TMEM220: variants seen among roughly 807,000 people sequenced by gnomAD.
TMEM220 encodes transmembrane protein 220.
A neutral mutation model predicts 21.7 loss-of-function variants in TMEM220; 21 were observed. That is an observed-to-expected ratio of 0.97 (90% confidence interval 0.69 to 1.39). The LOEUF (loss-of-function observed/expected upper bound fraction) is 1.39. Ranked by LOEUF, TMEM220 falls within the 40% of genes most tolerant of loss-of-function variation. The pLI is 0.00. For synonymous variants in TMEM220, 80 were observed against 73.6 expected, an observed-to-expected ratio of 1.09 and a Z score of -0.45; for missense variants, 191 against 201.9, an observed-to-expected ratio of 0.95 and a Z score of 0.33.
chr17:10,717,287 A>G (rs1005609269), intron 5 of TMEM220, among the ~76,000 whole-genome samples: 8 of 152,218 alleles, frequency 5.3e-5, no homozygotes, highest in African/African-American at 1.9e-4. Flanking sequence ...AAAGTTTTCA[A>G]CTGTTCACCA....
intron 4 of TMEM220, 135 bp downstream of exon 4, chr17:10,724,876 A>G (rs967266572): frequency 1.6e-6 from 2 of 1,230,158 alleles, no homozygotes; most frequent in South Asian, 1.4e-5. Flanking sequence ...TATAAAGAAG[A>G]TAATACCTTG....
intron 3 of TMEM220, 137 bp from the exon 4 acceptor site, chr17:10,725,271 GT>G: frequency 1.6e-6 from 2 of 1,243,000 alleles, no homozygotes; most frequent in Non-Finnish European, 2.2e-6. Context: ...GCCCCTTTTT[GT>G]TTTAGGACAA....
At chr17:10,720,026 A>G (rs1754340122) in intron 5 of TMEM220, among the ~76,000 whole-genome samples, 1 of 152,214 alleles carries the variant, frequency 6.6e-6, no homozygotes, top group South Asian at 2.1e-4. Flanking sequence ...TTTCTCAACG[A>G]TCCGATTAGT....
At chr17:10,719,330 G>A (rs1270333455) in intron 5 of TMEM220, among the ~76,000 whole-genome samples, 1 of 152,140 alleles carries the variant, frequency 6.6e-6, no homozygotes, top group Non-Finnish European at 1.5e-5. Flanking sequence ...AGGCTGGAGT[G>A]CAGTGGCGCG....
intron 5 of TMEM220, among the ~76,000 whole-genome samples, chr17:10,717,848 T>C (rs146278305): frequency 3.4e-3 from 518 of 152,186 alleles, no homozygotes; most frequent in African/African-American, 0.012. Context: ...AGACGGAGTT[T>C]CTTTCATTCT....
Position 10,722,522 on chromosome 17 carries a change from T to C in TMEM220, c.347+748A>G, listed in dbSNP as rs150107516. ...ACCCTAATGATTACAACATTAATCC[T>C]TGACTTATCAAAGTTTAATATAAAT... is the stretch of plus-strand genomic sequence containing the variant. On this transcript the variant is annotated intron_variant, in intron 5 of 5. Coordinates refer to ENST00000341871, the MANE Select transcript of TMEM220 (RefSeq NM_001004313.3). 3.3e-3 allele frequency among the ~76,000 whole-genome samples: 508 copies of C among 152,336 alleles called. 3 individuals are homozygous for C. The highest frequency in any genetic ancestry group is 5.4e-3 in the Non-Finnish European group (365 of 68,028).
chr17:10,723,127 C>T (rs1228347863), intron 5 of TMEM220, 143 bp downstream of exon 5: 23 of 672,630 alleles, frequency 3.4e-5, no homozygotes, highest in Middle Eastern at 3.7e-4. Flanking sequence ...ACTACAGGCG[C>T]GTGCCACCAC....
At chr17:10,727,372 G>C (rs943744054) in intron 2 of TMEM220, among the ~76,000 whole-genome samples, 3 of 152,126 alleles carry the variant, frequency 2.0e-5, no homozygotes, top group Non-Finnish European at 4.4e-5. Context: ...AGATGATAAA[G>C]ATGACTGAGA....
intron 3 of TMEM220, among the ~76,000 whole-genome samples, chr17:10,725,846 A>G (rs1389768354): frequency 6.6e-6 from 1 of 152,220 alleles, no homozygotes; most frequent in South Asian, 2.1e-4. Context: ...AGCTGCCTAT[A>G]CAAGGAGCCC....
Position 10,726,218 on chromosome 17 carries a change from T to A in TMEM220, c.149A>T (p.Asn50Ile), listed in dbSNP as rs1194793733. The change falls in exon 3 of 6, where the codon AAC becomes ATC. Residue 50 changes from asparagine to isoleucine, a missense_variant. Physicochemically the swap from Asn to Ile is moderately radical, Grantham distance 149. Transcript: ENST00000341871. The part of the protein sequence containing the change: ...PAVLTLLVGL[N>I]PEVTGNVIWK... ...AAGGCTTATACCTGTGACTTCAGGG[T>A]TAAGTCCAACAAGCAGGGTCAGTAC... The A allele has an allele frequency of 1.9e-6, 3 of 1,613,978 alleles. No individual in the cohort carries two copies. In the Admixed American group the frequency reaches 5.0e-5, roughly 27 times the overall value.
Position 10,729,644 on chromosome 17 carries a change from C to T in TMEM220, c.72+136G>A, listed in dbSNP as rs1010084263. On this transcript the variant is annotated intron_variant, in intron 1 of 5. Transcript: ENST00000341871. ...GGGGAGAAAGTGGGGGCTCCCCAAG[C>T]AGAAAGCCCAAGTCCCGTCCTCCCC... 1.4e-5 allele frequency: 10 copies of T among 696,434 alleles called. No individual in the cohort carries two copies. In the African/African-American group the frequency reaches 1.5e-4, roughly 10 times the overall value. 43.1% of individuals were successfully genotyped at this position (696,434 alleles called of 1,614,324 possible). A position where few individuals can be genotyped will look rare whatever the true frequency, so the allele number is the denominator to read the frequency against.
chr17:10,719,727 A>G (rs746024949), intron 5 of TMEM220, among the ~76,000 whole-genome samples: 148 of 152,372 alleles, frequency 9.7e-4, no homozygotes, highest in Non-Finnish European at 1.8e-3. Context: ...GGACTGATAA[A>G]TACAATTACA....
chr17:10,711,323 T>C, downstream of TMEM220: 1 of 625,266 alleles, frequency 1.6e-6, no homozygotes, highest in Non-Finnish European at 2.7e-6. Flanking sequence ...ATGTATCCAT[T>C]GTAAGTTAGA....
Position 10,713,803 on chromosome 17 carries a change from A to C in TMEM220, c.*1650T>G, listed in dbSNP as rs537740806. ...TGTGCCAATAACAAAAACAAAATAC[A>C]CATACCTCCTTTAACAAATATTTAT... On this transcript the variant is annotated 3_prime_UTR_variant, in exon 6 of 6. Coordinates refer to ENST00000341871, the MANE Select transcript of TMEM220 (RefSeq NM_001004313.3). The C allele has an allele frequency of 5.3e-5, 8 of 152,342 alleles. No individual in the cohort carries two copies. The highest frequency in any genetic ancestry group is 1.9e-4 in the African/African-American group (8 of 41,582). 9.4% of individuals were successfully genotyped at this position (152,342 alleles called of 1,614,324 possible).
Position 10,723,302 on chromosome 17 carries a change from T to C in TMEM220, c.315A>G (p.Thr105=). The C allele has an allele frequency of 6.2e-7, 1 of 1,614,142 alleles. No individual in the cohort carries two copies. Among genetic ancestry groups the C allele is most frequent in the Non-Finnish European group, 8.5e-7 (1 of 1,180,008 alleles). The change falls in exon 5 of 6, where the codon ACA becomes ACG. Residue 105 remains threonine, a synonymous_variant. Transcript: ENST00000341871. ...GRELSGLVII[T]AWIILCHSSS... ...AACTGTGGCACAGGATAATCCATGC[T>C]GTAATAATCACCAGACCAGACAGCT...
At chr17:10,723,395 TC>T in intron 4 of TMEM220, 66 bp from the exon 5 acceptor site, 1 of 1,187,198 alleles carries the variant, frequency 8.4e-7, no homozygotes, top group Non-Finnish European at 1.3e-6. Context: ...CATCACATTC[TC>T]TCCATGACCA....
In TMEM220 at chr17:10,728,944, G is replaced by C. The variant is rs1190411001; in HGVS notation, c.102+87C>G. On this transcript the variant is annotated intron_variant, in intron 2 of 5. Transcript: ENST00000341871. ...AGTTTCTCAGAAAATTAAGCAGGGA[G>C]GAGGGGTAAAGACATAAAACCGTGT... is the stretch of plus-strand genomic sequence containing the variant. 16 of 1,389,898 alleles carry C rather than the reference G, an allele frequency of 1.2e-5. No individual in the cohort carries two copies. The South Asian group carries it at 1.8e-4, about 15-fold the overall frequency. The allele number at this position is 1,389,898 out of a possible 1,614,324, so 86.1% of individuals were successfully genotyped here. A position where few individuals can be genotyped will look rare whatever the true frequency, so the allele number is the denominator to read the frequency against.
chr17:10,713,201 G>T (rs2074867047), downstream of TMEM220: 1 of 151,596 alleles, frequency 6.6e-6, no homozygotes, highest in Admixed American at 6.6e-5. Context: ...AACCCAGGAG[G>T]TGGAGATTGT....
chr17:10,728,611 AG>A (rs1374282176), intron 2 of TMEM220, among the ~76,000 whole-genome samples: 2 of 152,162 alleles, frequency 1.3e-5, no homozygotes, highest in African/African-American at 4.8e-5. Context: ...TTGCCCAGCC[AG>A]GAGTTAATAC....
Sources: gnomAD v4.1 joint callset for allele counts (sites outside exome capture counted in the v4.1 genomes callset) on GRCh38, gnomAD v4.1.1 for gene constraint, MANE v1.5 for transcripts, NCBI Gene and HGNC (gene_info 2026-07-23, HGNC 2026-07-21) for gene names.